The following PACSIN2 variants were observed in gnomAD, a reference collection of about 807,000 sequenced individuals.
PACSIN2 encodes the protein protein kinase C and casein kinase substrate in neurons protein 2.
PACSIN2 carries 25 observed loss-of-function variants against 63.8 expected under a neutral mutation model. The ratio of observed to expected loss-of-function variants is 0.39; its 90% CI spans 0.29 to 0.55. PACSIN2 has a LOEUF of 0.55. Among genes scored for constraint, PACSIN2 ranks in the 20% least tolerant of loss-of-function variants. The pLI is 0.62. For missense variants in PACSIN2, 518 were observed against 646.9 expected, an observed-to-expected ratio of 0.80 and a Z score of 2.16; for synonymous variants, 255 against 256.2, an observed-to-expected ratio of 1.00 and a Z score of 0.05.
chr22:42,996,701 G>GA, intron 1 of PACSIN2, among the ~76,000 whole-genome samples: 1 of 152,040 alleles, frequency 6.6e-6, no homozygotes, highest in East Asian at 1.9e-4. Context: ...CAATCAGGGG[G>GA]AAAAAAAGCA....
chr22:42,950,617 CAA>C (rs936645678), intron 1 of PACSIN2, among the ~76,000 whole-genome samples: 1 of 152,148 alleles, frequency 6.6e-6, no homozygotes, highest in Non-Finnish European at 1.5e-5. Context: ...CCAACTAGTG[CAA>C]AGTTAGCTTA....
intron 1 of PACSIN2, among the ~76,000 whole-genome samples, chr22:42,971,498 G>A (rs1046577986): frequency 3.6e-4 from 55 of 152,196 alleles, no homozygotes; most frequent in Middle Eastern, 3.4e-3. Flanking sequence ...GCCTCTGCCC[G>A]GCCGCCACCC....
intron 1 of PACSIN2, among the ~76,000 whole-genome samples, chr22:43,013,188 T>C (rs1031156230): frequency 6.6e-6 from 1 of 152,246 alleles, no homozygotes; most frequent in Admixed American, 6.5e-5. Context: ...AGGATACCAT[T>C]TCCATTCAAA....
intron 1 of PACSIN2, among the ~76,000 whole-genome samples, chr22:42,964,510 C>T (rs1374961835): frequency 1.3e-5 from 2 of 151,952 alleles, no homozygotes; most frequent in Non-Finnish European, 2.9e-5. Context: ...GTTCTGCGCT[C>T]GCCTCAGTCT....
At chr22:42,995,038 C>T (rs1923304748) in intron 1 of PACSIN2, among the ~76,000 whole-genome samples, 1 of 152,262 alleles carries the variant, frequency 6.6e-6, no homozygotes. Flanking sequence ...CAGGACCCTG[C>T]TTCCAACAAT....
intron 1 of PACSIN2, among the ~76,000 whole-genome samples, chr22:42,998,401 T>C (rs1923553971): frequency 6.6e-6 from 1 of 152,176 alleles, no homozygotes; most frequent in Non-Finnish European, 1.5e-5. Flanking sequence ...CAACATGCCC[T>C]GACGCATGAC....
At chr22:42,976,193 C>CA (rs1921692249) in intron 1 of PACSIN2, among the ~76,000 whole-genome samples, 1 of 152,232 alleles carries the variant, frequency 6.6e-6, no homozygotes, top group African/African-American at 2.4e-5. Flanking sequence ...CAGGCTAACC[C>CA]ACCCACTGCT....
At chr22:42,920,632 T>A (rs978507374) in intron 1 of PACSIN2, among the ~76,000 whole-genome samples, 1 of 152,094 alleles carries the variant, frequency 6.6e-6, no homozygotes, top group Non-Finnish European at 1.5e-5. Flanking sequence ...GTGGAGGACG[T>A]GCTGGAAGAG....
intron 10 of PACSIN2, among the ~76,000 whole-genome samples, chr22:42,873,005 G>C (rs1928286471): frequency 6.6e-6 from 1 of 152,206 alleles, no homozygotes; most frequent in African/African-American, 2.4e-5. Flanking sequence ...GATGAGGCCT[G>C]TAACCCCACA....
At chr22:42,904,764 C>G (rs1282853625) in intron 2 of PACSIN2, among the ~76,000 whole-genome samples, 1 of 152,192 alleles carries the variant, frequency 6.6e-6, no homozygotes, top group Non-Finnish European at 1.5e-5. Context: ...GCCCTAGCCC[C>G]CTGCACCCGA....
At chr22:42,963,411 G>C (rs577418027) in intron 1 of PACSIN2, among the ~76,000 whole-genome samples, 1 of 152,150 alleles carries the variant, frequency 6.6e-6, no homozygotes, top group Non-Finnish European at 1.5e-5. Flanking sequence ...CAAACAACAC[G>C]CAGGGCAGCA....
chr22:42,953,140 T>C (rs934937164), intron 1 of PACSIN2, among the ~76,000 whole-genome samples: 2 of 149,736 alleles, frequency 1.3e-5, no homozygotes, highest in African/African-American at 4.9e-5. Flanking sequence ...AAAAAAAAAC[T>C]GGACAAGTTG....
At chr22:42,923,536 T>C (rs1488504359) in intron 1 of PACSIN2, among the ~76,000 whole-genome samples, 1 of 152,182 alleles carries the variant, frequency 6.6e-6, no homozygotes, top group Non-Finnish European at 1.5e-5. Context: ...CACGCCATTC[T>C]CCTGCCTCAG....
In PACSIN2 at chr22:42,980,732, G is replaced by A. The variant is rs1435767160; in HGVS notation, c.-78+34289C>T. Among the ~76,000 whole-genome samples the A allele has an allele frequency of 4.0e-4, 41 of 101,840 alleles. 1 individual carries two copies. The South Asian group carries it at 0.016, about 39-fold the overall frequency. 66.8% of individuals were successfully genotyped at this position (101,840 alleles called of 152,430 possible). The stretch of plus-strand genomic sequence containing the variant: ...TCCAGCTCCTAACCGCGAGTGATCC[G>A]CCAGCCTCGGCCTCCCGAGGTGCCG... On this transcript the variant is annotated intron_variant, in intron 1 of 10. Transcript: ENST00000263246.
In PACSIN2 at chr22:42,943,395, C is replaced by T. The variant is rs1212953304; in HGVS notation, c.-77-31238G>A. 2.6e-5 allele frequency among the ~76,000 whole-genome samples: 4 copies of T among 152,080 alleles called. No homozygotes were observed. In the East Asian group the frequency reaches 5.8e-4, roughly 22 times the overall value. On this transcript the variant is annotated intron_variant, in intron 1 of 10. Coordinates refer to ENST00000263246, the MANE Select transcript of PACSIN2 (RefSeq NM_001184970.3). ...TGCCTTTTGTTTTCTTGTCTAACTT[C>T]GAAGTTCCTGGTTAGACTCTCCAGT...
intron 1 of PACSIN2, among the ~76,000 whole-genome samples, chr22:42,938,835 GTGC>G (rs1933023323): frequency 6.6e-6 from 1 of 152,230 alleles, no homozygotes; most frequent in Non-Finnish European, 1.5e-5. Context: ...GGTGCTGTTT[GTGC>G]TGGATCCCGA....
chr22:42,873,886 C>T (rs1928368059), intron 10 of PACSIN2, among the ~76,000 whole-genome samples: 1 of 152,038 alleles, frequency 6.6e-6, no homozygotes. Context: ...CTCCACCTCC[C>T]AGGTTCAAGT....
intron 2 of PACSIN2, among the ~76,000 whole-genome samples, chr22:42,897,538 C>T (rs1930375307): frequency 6.6e-6 from 1 of 152,182 alleles, no homozygotes; most frequent in African/African-American, 2.4e-5. Flanking sequence ...ATTTTTGAAC[C>T]AGGTATGAAG....
At chr22:42,948,406 C>T (rs1368731787) in intron 1 of PACSIN2, among the ~76,000 whole-genome samples, 2 of 152,192 alleles carry the variant, frequency 1.3e-5, no homozygotes, top group South Asian at 4.1e-4. Context: ...CCATCAGAAG[C>T]GCTATCTAGA....
Sources: gnomAD v4.1 joint callset for allele counts (sites outside exome capture counted in the v4.1 genomes callset) on GRCh38, gnomAD v4.1.1 for gene constraint, MANE v1.5 for transcripts, NCBI Gene and HGNC (gene_info 2026-07-23, HGNC 2026-07-21) for gene names.